GPR158: variants seen among roughly 807,000 people sequenced by gnomAD.
GPR158 encodes metabotropic glycine receptor.
GPR158 carries 30 observed loss-of-function variants against 78.2 expected under a neutral mutation model. The observed-to-expected ratio is 0.38, with a 90% CI of 0.29 to 0.52. The LOEUF (loss-of-function observed/expected upper bound fraction) is 0.52, where lower values mean the gene tolerates loss of function less well. Ranked by LOEUF, GPR158 falls within the 20% of genes least tolerant of loss-of-function variation. GPR158 has a pLI of 0.83. For missense variants in GPR158, 1,463 were observed against 1,523.5 expected, an observed-to-expected ratio of 0.96 and a Z score of 0.66; for synonymous variants, 581 against 591.1, an observed-to-expected ratio of 0.98 and a Z score of 0.25.
At chr10:25,506,944 C>T (rs1282668663) in intron 5 of GPR158, among the ~76,000 whole-genome samples, 2 of 152,172 alleles carry the variant, frequency 1.3e-5, no homozygotes, top group Non-Finnish European at 1.5e-5. Flanking sequence ...ATGTCCTATT[C>T]ATCAAAGTCT....
At chr10:25,332,368 C>CT (rs1329353777) in intron 2 of GPR158, among the ~76,000 whole-genome samples, 1 of 152,080 alleles carries the variant, frequency 6.6e-6, no homozygotes, top group Non-Finnish European at 1.5e-5. Flanking sequence ...CTTTCTTTTC[C>CT]TTTTTGGTTT....
At chr10:25,327,217 G>A (rs1029360964) in intron 2 of GPR158, among the ~76,000 whole-genome samples, 2 of 151,778 alleles carry the variant, frequency 1.3e-5, no homozygotes, top group South Asian at 2.1e-4. Context: ...AAATACCTGC[G>A]ATATCTTGCT....
At position 25,586,257 on chromosome 10, in the gene GPR158, G is replaced by T. The variant is rs1048022103; in HGVS notation, c.1754-2750G>T. ...GTCAAGGTCTAGAAACCACAAGCAA[G>T]AATAAATAAATAAAGTCAAGCAACA... On this transcript the variant is annotated intron_variant, in intron 7 of 10. Transcript: ENST00000376351. Among the ~76,000 whole-genome samples, 5 of 152,020 alleles carry T rather than the reference G, an allele frequency of 3.3e-5. No homozygotes were observed. In the South Asian group the frequency reaches 1.0e-3, roughly 32 times the overall value.
intron 7 of GPR158, among the ~76,000 whole-genome samples, chr10:25,580,563 G>A (rs1837175125): frequency 6.6e-6 from 1 of 152,026 alleles, no homozygotes; most frequent in South Asian, 2.1e-4. Flanking sequence ...GGTGAAATGT[G>A]ATATAAGTGC....
intron 2 of GPR158, among the ~76,000 whole-genome samples, chr10:25,336,456 A>T (rs1855208092): frequency 6.6e-6 from 1 of 151,972 alleles, no homozygotes; most frequent in Admixed American, 6.6e-5. Flanking sequence ...CAGAATTCTA[A>T]TTCTATTCAG....
intron 2 of GPR158, among the ~76,000 whole-genome samples, chr10:25,240,386 G>A (rs180754744): frequency 4.9e-4 from 74 of 152,286 alleles, no homozygotes; most frequent in African/African-American, 1.8e-3. Context: ...GTGCACGCCT[G>A]TAATCCCAGC....
Position 25,340,924 on chromosome 10 carries a change from T to A in GPR158, c.1009-54987T>A, listed in dbSNP as rs145791731. On this transcript the variant is annotated intron_variant, in intron 2 of 10. Coordinates refer to ENST00000376351, the MANE Select transcript of GPR158 (RefSeq NM_020752.3). ...TAAAAATGAAAACCAAAACTATACA[T>A]AGAATAGTATAATGGGTGAAAACCA... Among the ~76,000 whole-genome samples, 38 of 152,034 alleles carry A rather than the reference T, an allele frequency of 2.5e-4. No homozygotes were observed. In the East Asian group the frequency reaches 6.0e-3, roughly 24 times the overall value.
chr10:25,433,190 T>C (rs1834936252), intron 4 of GPR158, among the ~76,000 whole-genome samples: 1 of 152,222 alleles, frequency 6.6e-6, no homozygotes, highest in South Asian at 2.1e-4. Context: ...TGTTAACTAC[T>C]GTGCTGTCCT....
chr10:25,542,887 CTTTA>C (rs1377818216), intron 5 of GPR158, among the ~76,000 whole-genome samples: 1 of 151,234 alleles, frequency 6.6e-6, no homozygotes, highest in East Asian at 1.9e-4. Flanking sequence ...TAATAGTCTC[CTTTA>C]TATTTCTCTA....
chr10:25,549,564 G>T (rs1171495800), intron 5 of GPR158, among the ~76,000 whole-genome samples: 1 of 152,024 alleles, frequency 6.6e-6, no homozygotes, highest in Admixed American at 6.6e-5. Context: ...GAAGACTAAG[G>T]ACAAATTCTG....
intron 7 of GPR158, among the ~76,000 whole-genome samples, chr10:25,582,136 A>C (rs1244584955): frequency 1.3e-5 from 2 of 152,178 alleles, no homozygotes; most frequent in Non-Finnish European, 2.9e-5. Flanking sequence ...CCCACAACAC[A>C]TGGGAATTAT....
intron 1 of GPR158, among the ~76,000 whole-genome samples, chr10:25,198,799 G>A (rs958771307): frequency 6.6e-6 from 1 of 152,094 alleles, no homozygotes; most frequent in Admixed American, 6.6e-5. Flanking sequence ...GGCCAAGTAT[G>A]TTTGGTTGTC....
intron 4 of GPR158, among the ~76,000 whole-genome samples, chr10:25,412,814 A>C (rs539432108): frequency 1.3e-5 from 2 of 152,254 alleles, no homozygotes; most frequent in South Asian, 4.1e-4. Context: ...TGTATCCAAG[A>C]AGCTTTGTTA....
chr10:25,437,658 T>C (rs1835015202), intron 4 of GPR158, among the ~76,000 whole-genome samples: 1 of 152,162 alleles, frequency 6.6e-6, no homozygotes, highest in South Asian at 2.1e-4. Flanking sequence ...GCCTATTAGA[T>C]TGATTTGATG....
chr10:25,229,608 T>C (rs1379848490), intron 2 of GPR158, among the ~76,000 whole-genome samples: 1 of 152,180 alleles, frequency 6.6e-6, no homozygotes, highest in Non-Finnish European at 1.5e-5. Flanking sequence ...ATACAAATAG[T>C]ATTTGGTAAA....
At chr10:25,202,645 A>G (rs1164573465) in intron 1 of GPR158, among the ~76,000 whole-genome samples, 1 of 152,174 alleles carries the variant, frequency 6.6e-6, no homozygotes, top group Non-Finnish European at 1.5e-5. Flanking sequence ...TTCTTAATCC[A>G]GTCTATCATT....
intron 1 of GPR158, among the ~76,000 whole-genome samples, chr10:25,204,450 G>A (rs1852986356): frequency 6.6e-6 from 1 of 152,156 alleles, no homozygotes; most frequent in Admixed American, 6.5e-5. Flanking sequence ...TTTATTGAGA[G>A]TTTTTAGCAT....
intron 5 of GPR158, among the ~76,000 whole-genome samples, chr10:25,504,837 T>C: frequency 6.6e-6 from 1 of 152,198 alleles, no homozygotes; most frequent in South Asian, 2.1e-4. Context: ...AACTTGAGTA[T>C]TCGTTCTGGG....
chr10:25,570,800 C>T (rs1265412160), intron 6 of GPR158, among the ~76,000 whole-genome samples: 2 of 151,960 alleles, frequency 1.3e-5, no homozygotes, highest in African/African-American at 4.8e-5. Flanking sequence ...GCCTGTAGTC[C>T]CACCTACTTG....
Sources: gnomAD v4.1 joint callset for allele counts (sites outside exome capture counted in the v4.1 genomes callset) on GRCh38, gnomAD v4.1.1 for gene constraint, MANE v1.5 for transcripts, NCBI Gene and HGNC (gene_info 2026-07-23, HGNC 2026-07-21) for gene names.